Variants in CELF4 observed in about 807,000 individuals in gnomAD.
CELF4 encodes the protein CUG-BP- and ETR-3-like factor 4.
Under a neutral mutation model 59.9 loss-of-function variants are expected in CELF4, and 18 were observed. The observed-to-expected ratio is 0.30, with a 90% CI of 0.21 to 0.45. The LOEUF (loss-of-function observed/expected upper bound fraction) is 0.45, where lower values mean the gene tolerates loss of function less well. CELF4 is among the 20% of genes least tolerant of loss of function. The probability of loss-of-function intolerance (pLI) is 1.00; values close to 1 mark genes in which losing one functional copy is unlikely to be tolerated. For synonymous variants in CELF4, 261 were observed against 267.1 expected (o/e 0.98, Z 0.22); for missense variants, 456 against 689.0 (o/e 0.66, Z 3.79).
intron 2 of CELF4, among the ~76,000 whole-genome samples, chr18:37,469,352 C>T (rs1160248937): frequency 4.6e-5 from 7 of 151,962 alleles, no homozygotes; most frequent in East Asian, 3.9e-4. Context: ...GGGAGGGGGC[C>T]GGGGAAGCAG....
intron 1 of CELF4, among the ~76,000 whole-genome samples, chr18:37,518,515 G>A (rs1253310459): frequency 6.6e-6 from 1 of 152,154 alleles, no homozygotes; most frequent in African/African-American, 2.4e-5. Flanking sequence ...TCTCCGGGCA[G>A]GCAAGGGGGA....
chr18:37,272,959 C>G (rs1193032639), intron 7 of CELF4, 57 bp downstream of exon 7: 2 of 1,536,074 alleles, frequency 1.3e-6, no homozygotes, highest in African/African-American at 2.7e-5. Flanking sequence ...AGGTCCCAGC[C>G]TGGGGCCAGC....
chr18:37,352,394 A>G (rs944509688), intron 2 of CELF4, among the ~76,000 whole-genome samples: 1 of 152,074 alleles, frequency 6.6e-6, no homozygotes, highest in Non-Finnish European at 1.5e-5. Context: ...TGTAATCTCG[A>G]CACTTTGGGA....
intron 1 of CELF4, among the ~76,000 whole-genome samples, chr18:37,537,711 G>A (rs530880071): frequency 6.6e-6 from 1 of 152,206 alleles, no homozygotes; most frequent in East Asian, 1.9e-4. Context: ...CCCTCCCTTT[G>A]CTTTCTCTGA....
intron 1 of CELF4, among the ~76,000 whole-genome samples, chr18:37,538,821 A>G (rs1252082920): frequency 3.3e-5 from 5 of 152,172 alleles, no homozygotes. Context: ...CATTTCCCAG[A>G]GCCCGACTGG....
At chr18:37,555,133 C>T (rs1003547271) in intron 1 of CELF4, among the ~76,000 whole-genome samples, 1 of 152,204 alleles carries the variant, frequency 6.6e-6, no homozygotes, top group African/African-American at 2.4e-5. Context: ...ATATCCCACC[C>T]CAGGAATGGG....
At position 37,452,434 on chromosome 18, in the gene CELF4, G is replaced by A. The variant is rs546481514; in HGVS notation, c.369+33091C>T. 1.1e-4 allele frequency among the ~76,000 whole-genome samples: 17 copies of A among 152,242 alleles called. No individual in the cohort carries two copies. The South Asian group carries it at 1.5e-3, about 13-fold the overall frequency. ...AAGGTGGACCCAGAGGCCTGTGGCT[G>A]TCCTACCCCAGGCCCTGGCAAGCAG... On this transcript the variant is annotated intron_variant, in intron 2 of 12. Transcript: ENST00000420428.
intron 2 of CELF4, among the ~76,000 whole-genome samples, chr18:37,440,066 C>T (rs926663609): frequency 6.6e-6 from 1 of 152,184 alleles, no homozygotes; most frequent in Admixed American, 6.5e-5. Flanking sequence ...CAGGCTCAGC[C>T]TTGGAGCCAT....
chr18:37,516,378 C>T (rs1048198011), intron 1 of CELF4, among the ~76,000 whole-genome samples: 1 of 152,158 alleles, frequency 6.6e-6, no homozygotes, highest in Non-Finnish European at 1.5e-5. Flanking sequence ...GTCAGGGGCC[C>T]TGCTAGCTCT....
At chr18:37,345,099 G>A (rs887695439) in intron 2 of CELF4, among the ~76,000 whole-genome samples, 2 of 152,114 alleles carry the variant, frequency 1.3e-5, no homozygotes, top group Non-Finnish European at 2.9e-5. Flanking sequence ...TGGGTGCCTC[G>A]GGAGGCTCTG....
chr18:37,459,774 T>C (rs957585289), intron 2 of CELF4, among the ~76,000 whole-genome samples: 11 of 152,120 alleles, frequency 7.2e-5, no homozygotes, highest in African/African-American at 2.4e-4. Context: ...TGGCATTTGT[T>C]GTGCAAGGTT....
chr18:37,301,982 G>C (rs2096075497), intron 3 of CELF4, among the ~76,000 whole-genome samples: 1 of 152,184 alleles, frequency 6.6e-6, no homozygotes, highest in Admixed American at 6.5e-5. Flanking sequence ...CTCTGGGCAG[G>C]TGTCATTCAA....
At chr18:37,476,620 G>T (rs767367764) in intron 2 of CELF4, among the ~76,000 whole-genome samples, 3 of 152,176 alleles carry the variant, frequency 2.0e-5, no homozygotes, top group African/African-American at 7.2e-5. Flanking sequence ...CACAGTTCCG[G>T]ATCCCTGCAG....
intron 3 of CELF4, among the ~76,000 whole-genome samples, chr18:37,286,160 G>T (rs575678479): frequency 3.7e-4 from 56 of 152,282 alleles, no homozygotes; most frequent in African/African-American, 1.3e-3. Flanking sequence ...GGGGCAAGAA[G>T]AGGAGAGACC....
chr18:37,477,020 G>A (rs1005263756), intron 2 of CELF4, among the ~76,000 whole-genome samples: 2 of 152,214 alleles, frequency 1.3e-5, no homozygotes, highest in Non-Finnish European at 2.9e-5. Context: ...ACTTTCTGGA[G>A]GGGCATAGAG....
At chr18:37,423,101 G>A (rs950359230) in intron 2 of CELF4, among the ~76,000 whole-genome samples, 3 of 151,388 alleles carry the variant, frequency 2.0e-5, no homozygotes, top group African/African-American at 7.3e-5. Context: ...GAGAGAGAGA[G>A]AGACAGACAG....
At chr18:37,370,356 G>C (rs1427503312) in intron 2 of CELF4, among the ~76,000 whole-genome samples, 4 of 152,160 alleles carry the variant, frequency 2.6e-5, no homozygotes, top group Admixed American at 1.3e-4. Context: ...TCCCACCTTG[G>C]TCTTGGGTGT....
Position 37,448,123 on chromosome 18 carries a change from G to A in CELF4, c.369+37402C>T, listed in dbSNP as rs532931229. On this transcript the variant is annotated intron_variant, in intron 2 of 12. Coordinates refer to ENST00000420428, the MANE Select transcript of CELF4 (RefSeq NM_020180.4). ...GGCCAGTTGTGCAGAGCATCGCATA[G>A]TCATTACAGGTAACTTTTGGATGCT... is the stretch of plus-strand genomic sequence containing the variant. Among the ~76,000 whole-genome samples, 133 of 152,360 alleles carry A rather than the reference G, an allele frequency of 8.7e-4. 1 individual carries two copies. The highest frequency in any genetic ancestry group is 3.0e-3 in the African/African-American group (125 of 41,592).
At chr18:37,426,295 A>G (rs1255592521) in intron 2 of CELF4, among the ~76,000 whole-genome samples, 1 of 152,210 alleles carries the variant, frequency 6.6e-6, no homozygotes, top group Non-Finnish European at 1.5e-5. Context: ...TGTCTCCTCT[A>G]TCAGCCTCAG....
Sources: gnomAD v4.1 joint callset for allele counts (sites outside exome capture counted in the v4.1 genomes callset) on GRCh38, gnomAD v4.1.1 for gene constraint, MANE v1.5 for transcripts, NCBI Gene and HGNC (gene_info 2026-07-23, HGNC 2026-07-21) for gene names.